MCTP2: variants seen among roughly 807,000 people sequenced by gnomAD.
MCTP2 encodes multiple C2 and transmembrane domain containing 2.
Under a neutral mutation model 111.6 loss-of-function variants are expected in MCTP2, and 132 were observed. The ratio of observed to expected loss-of-function variants is 1.18; its 90% confidence interval spans 1.03 to 1.37. The LOEUF (loss-of-function observed/expected upper bound fraction) is 1.37, where lower values mean the gene tolerates loss of function less well. Among genes scored for constraint, MCTP2 ranks in the 40% most tolerant of loss-of-function variants. MCTP2 has a pLI of 0.00. For missense variants in MCTP2, 1,183 were observed against 1,067.9 expected (o/e 1.11, Z -1.50); for synonymous variants, 395 against 387.7 (o/e 1.02, Z -0.22).
intron 4 of MCTP2, among the ~76,000 whole-genome samples, chr15:94,319,256 A>C (rs2076520084): frequency 6.6e-6 from 1 of 152,158 alleles, no homozygotes; most frequent in Non-Finnish European, 1.5e-5. Context: ...CTGTGGGTTC[A>C]AGAAGGGGTC....
chr15:94,465,760 G>GT (rs1291789322), intron 20 of MCTP2, among the ~76,000 whole-genome samples: 2 of 152,108 alleles, frequency 1.3e-5, no homozygotes, highest in East Asian at 3.8e-4. Context: ...TTACTTGCTT[G>GT]TTCCGTGTCT....
intron 19 of MCTP2, among the ~76,000 whole-genome samples, chr15:94,444,904 T>C (rs1366064891): frequency 1.3e-5 from 2 of 152,154 alleles, no homozygotes; most frequent in Non-Finnish European, 2.9e-5. Context: ...ACGGTGACCA[T>C]GTATCTTTGG....
chr15:94,316,227 T>A (rs747046854), intron 4 of MCTP2, among the ~76,000 whole-genome samples: 1 of 150,906 alleles, frequency 6.6e-6, no homozygotes, highest in Non-Finnish European at 1.5e-5. Flanking sequence ...TACTACGTAT[T>A]ATTTAATGTA....
rs749149865 is a variant in MCTP2, at chr15:94,298,618, C to A, written c.353C>A (p.Thr118Lys). Residue 118 changes from threonine (T) to lysine (K), a missense_variant, in exon 2 of 23, where the codon ACA becomes AAA. Thr to Lys is a moderately conservative substitution (Grantham distance 78, BLOSUM62 -1). Coordinates refer to ENST00000357742, the MANE Select transcript of MCTP2 (RefSeq NM_001385001.1). ...GCCAGTCACCTCCATGTGGTGGAAA[C>A]AGACTCAGAGGAGGCCTATGCCTCT... ...EEASHLHVVETDSEEAYASPA... is the reference protein window; with the variant it reads ...EEASHLHVVEKDSEEAYASPA... The A allele has an allele frequency of 6.2e-7, 1 of 1,614,124 alleles. No individual in the cohort carries two copies. The highest frequency in any genetic ancestry group is 8.5e-7 in the Non-Finnish European group (1 of 1,180,010).
chr15:94,374,402 G>C (rs1208880455), intron 12 of MCTP2, among the ~76,000 whole-genome samples: 2 of 152,162 alleles, frequency 1.3e-5, no homozygotes, highest in Non-Finnish European at 2.9e-5. Flanking sequence ...GATTATTCAG[G>C]ATAGCCTTAT....
At chr15:94,288,891 C>T (rs2074898445) in intron 1 of MCTP2, among the ~76,000 whole-genome samples, 1 of 152,172 alleles carries the variant, frequency 6.6e-6, no homozygotes, top group Admixed American at 6.5e-5. Flanking sequence ...AAACAAACCT[C>T]ACTATATGGA....
rs935102136 is a variant in MCTP2, at chr15:94,446,971, C to A, written c.2250+4011C>A. Among the ~76,000 whole-genome samples, 7 of 152,152 alleles carry A rather than the reference C, an allele frequency of 4.6e-5. No individual in the cohort carries two copies. The East Asian group carries it at 1.3e-3, about 29-fold the overall frequency. On this transcript the variant is annotated intron_variant, in intron 19 of 22. Transcript: ENST00000357742. Reference sequence around the variant, plus strand: ...CCATTTTTGTTGATTGATTGAGGAGCATATTATAATGGAAGGATACAAATG... The same window carrying A: ...CCATTTTTGTTGATTGATTGAGGAGAATATTATAATGGAAGGATACAAATG...
intron 17 of MCTP2, among the ~76,000 whole-genome samples, chr15:94,437,987 G>A (rs2083572785): frequency 6.6e-6 from 1 of 151,838 alleles, no homozygotes; most frequent in Non-Finnish European, 1.5e-5. Context: ...ACAGAATAAA[G>A]ATCATACACA....
chr15:94,285,689 C>G (rs184813649), intron 1 of MCTP2, among the ~76,000 whole-genome samples: 61 of 152,246 alleles, frequency 4.0e-4, no homozygotes, highest in Non-Finnish European at 7.4e-5. Flanking sequence ...AACCCTAGCT[C>G]CTTCCTCCCT....
chr15:94,464,699 G>T (rs2073119513), intron 20 of MCTP2, among the ~76,000 whole-genome samples: 1 of 151,822 alleles, frequency 6.6e-6, no homozygotes, highest in Admixed American at 6.6e-5. Context: ...AAACATTTTG[G>T]CATGTAATAT....
intron 8 of MCTP2, among the ~76,000 whole-genome samples, chr15:94,346,567 A>T (rs2077992063): frequency 6.6e-6 from 1 of 152,188 alleles, no homozygotes; most frequent in Non-Finnish European, 1.5e-5. Flanking sequence ...GAAGCCTGAC[A>T]AAGCAGTATT....
intron 20 of MCTP2, among the ~76,000 whole-genome samples, chr15:94,467,295 G>C (rs1374420295): frequency 2.0e-5 from 3 of 152,052 alleles, no homozygotes; most frequent in East Asian, 3.9e-4. Flanking sequence ...TTGCCACCTA[G>C]CTATGGATTT....
intron 14 of MCTP2, among the ~76,000 whole-genome samples, chr15:94,390,066 A>ACG (rs1567602037): frequency 4.2e-4 from 5 of 12,040 alleles, no homozygotes; most frequent in South Asian, 3.1e-3. Context: ...ATATATATAT[A>ACG]TATATATATA....
intron 1 of MCTP2, among the ~76,000 whole-genome samples, chr15:94,281,727 A>G (rs1048280388): frequency 6.6e-5 from 10 of 152,128 alleles, no homozygotes; most frequent in Non-Finnish European, 1.2e-4. Context: ...GCATTCCCAT[A>G]AGGACCTCTT....
chr15:94,259,844 C>T (rs555201078), intron 1 of MCTP2, among the ~76,000 whole-genome samples: 1 of 152,224 alleles, frequency 6.6e-6, no homozygotes, highest in African/African-American at 2.4e-5. Flanking sequence ...GAAGAGTGCG[C>T]CTGTCCTGAT....
intron 16 of MCTP2, among the ~76,000 whole-genome samples, chr15:94,401,576 G>C (rs2081591130): frequency 6.6e-6 from 1 of 151,922 alleles, no homozygotes; most frequent in Admixed American, 6.6e-5. Context: ...CTCTGCCTCT[G>C]CATGTGTCTT....
intron 14 of MCTP2, among the ~76,000 whole-genome samples, chr15:94,395,680 T>C (rs2081246520): frequency 6.6e-6 from 1 of 152,230 alleles, no homozygotes; most frequent in Non-Finnish European, 1.5e-5. Context: ...TAAAAACTGG[T>C]TATATTTACT....
intron 12 of MCTP2, among the ~76,000 whole-genome samples, chr15:94,377,168 C>A (rs934696830): frequency 3.9e-5 from 6 of 152,142 alleles, no homozygotes; most frequent in Non-Finnish European, 8.8e-5. Context: ...AGTTTTCAAC[C>A]ACATGCCCAT....
rs776556845 is a variant in MCTP2, at chr15:94,370,122, C to T, written c.1524C>T (p.Val508=). 28 of 1,612,932 alleles carry T rather than the reference C, an allele frequency of 1.7e-5. No individual in the cohort carries two copies. The highest frequency in any genetic ancestry group is 1.5e-4 in the Admixed American group (9 of 59,830). The change falls in exon 12 of 23, where the codon GTC becomes GTT. Residue 508 remains valine, a synonymous_variant. Transcript: ENST00000357742. ...ACTCCCTGAAAGATGTGAAAGACGT[C>T]GGCATTCTACAAGTGAAGGTTTTAA... ...LQNSLKDVKD[V]GILQVKVLKA...
Sources: gnomAD v4.1 joint callset for allele counts (sites outside exome capture counted in the v4.1 genomes callset) on GRCh38, gnomAD v4.1.1 for gene constraint, MANE v1.5 for transcripts, NCBI Gene and HGNC (gene_info 2026-07-23, HGNC 2026-07-21) for gene names.